Variants in RPTOR observed in about 807,000 individuals in gnomAD.
The protein encoded by RPTOR is regulatory associated protein of MTOR complex 1.
A neutral mutation model predicts 169.9 loss-of-function variants in RPTOR; 21 were observed. That is an observed-to-expected ratio of 0.12 (90% CI 0.09 to 0.18). The LOEUF (loss-of-function observed/expected upper bound fraction) is 0.18, where lower values mean the gene tolerates loss of function less well. RPTOR is among the 10% of genes least tolerant of loss of function. The pLI, the probability that RPTOR is intolerant of heterozygous loss-of-function variation, is 1.00. For missense variants in RPTOR, 1,133 were observed against 1,855.9 expected, an observed-to-expected ratio of 0.61 and a Z score of 7.16; for synonymous variants, 732 against 753.2, an observed-to-expected ratio of 0.97 and a Z score of 0.46.
chr17:80,821,247 C>A (rs925939336), intron 7 of RPTOR, among the ~76,000 whole-genome samples: 3 of 152,204 alleles, frequency 2.0e-5, no homozygotes, highest in African/African-American at 7.2e-5. Flanking sequence ...AGTGGGACTC[C>A]ACTACAACAG....
intron 6 of RPTOR, among the ~76,000 whole-genome samples, chr17:80,763,983 C>T (rs1339754999): frequency 6.6e-5 from 10 of 151,940 alleles, no homozygotes; most frequent in Admixed American, 6.5e-4. Context: ...TGACATCAAC[C>T]TGAACAGGGA....
intron 28 of RPTOR, among the ~76,000 whole-genome samples, chr17:80,950,271 T>A (rs1350247646): frequency 6.6e-6 from 1 of 152,206 alleles, no homozygotes; most frequent in Non-Finnish European, 1.5e-5. Flanking sequence ...CCAGCCCCCC[T>A]CTGCCGGCTC....
At chr17:80,855,401 A>G in intron 11 of RPTOR, 63 bp from the exon 12 acceptor site, 1 of 1,228,158 alleles carries the variant, frequency 8.1e-7, no homozygotes, top group Non-Finnish European at 1.2e-6. Flanking sequence ...CTCATGCAGC[A>G]GCGTTTCGGG....
intron 21 of RPTOR, among the ~76,000 whole-genome samples, chr17:80,921,660 T>G (rs9908454): frequency 0.24 from 36,989 of 152,116 alleles, 4,905 homozygotes; most frequent in African/African-American, 0.35. Context: ...TGGTAGAATT[T>G]CAAGCCCTGC....
chr17:80,763,667 A>G (rs1276793835), intron 6 of RPTOR, among the ~76,000 whole-genome samples: 1 of 152,240 alleles, frequency 6.6e-6, no homozygotes, highest in East Asian at 1.9e-4. Context: ...GAATGTGGAC[A>G]TATGTGGACC....
At chr17:80,612,064 C>T (rs538001273) in intron 1 of RPTOR, among the ~76,000 whole-genome samples, 4 of 152,310 alleles carry the variant, frequency 2.6e-5, no homozygotes, top group South Asian at 2.1e-4. Context: ...CATTGCATTA[C>T]ACCAGGAAGT....
At chr17:80,956,670 G>A (rs538785600) in intron 28 of RPTOR, among the ~76,000 whole-genome samples, 37 of 152,368 alleles carry the variant, frequency 2.4e-4, no homozygotes, top group Admixed American at 7.8e-4. Flanking sequence ...CTTAGACGTC[G>A]CTGCAAGGGT....
At chr17:80,581,117 G>T (rs1405634260) in intron 1 of RPTOR, among the ~76,000 whole-genome samples, 1 of 152,220 alleles carries the variant, frequency 6.6e-6, no homozygotes, top group African/African-American at 2.4e-5. Context: ...GAGTGCTGAT[G>T]ATATAAAGCT....
At chr17:80,855,183 C>G (rs2067838996) in intron 11 of RPTOR, among the ~76,000 whole-genome samples, 1 of 152,192 alleles carries the variant, frequency 6.6e-6, no homozygotes. Context: ...CTAAATGTCA[C>G]CAGTGGGTTA....
intron 7 of RPTOR, among the ~76,000 whole-genome samples, chr17:80,818,071 G>C (rs2067342276): frequency 6.6e-6 from 1 of 152,198 alleles, no homozygotes; most frequent in Non-Finnish European, 1.5e-5. Context: ...GGAGGCGCGG[G>C]CCCTGTTGGG....
At chr17:80,859,925 C>T (rs1214740377) in intron 13 of RPTOR, among the ~76,000 whole-genome samples, 1 of 152,240 alleles carries the variant, frequency 6.6e-6, no homozygotes, top group East Asian at 1.9e-4. Flanking sequence ...CGGCACCCCA[C>T]TGGGCCCCTG....
intron 2 of RPTOR, among the ~76,000 whole-genome samples, chr17:80,634,221 CGT>C (rs998505457): frequency 1.8e-5 from 1 of 54,992 alleles, no homozygotes; most frequent in Non-Finnish European, 3.5e-5. Context: ...ATACTGTGTG[CGT>C]GTGTGTACTG....
chr17:80,845,615 C>T lies in RPTOR; in HGVS notation c.1213-858C>T, dbSNP rs1433966143. 6.6e-6 allele frequency among the ~76,000 whole-genome samples: 1 copy of T among 152,032 alleles called. No homozygotes were observed. The highest frequency in any genetic ancestry group is 1.5e-5 in the Non-Finnish European group (1 of 67,998). ...CTGCCCGAGGATGCCCTCCAGCAGC[C>T]TTTCCCCACCCTCCGTGCCCCCAGC... On this transcript the variant is annotated intron_variant, in intron 10 of 33. Coordinates refer to ENST00000306801, the MANE Select transcript of RPTOR (RefSeq NM_020761.3). The surrounding 1 kb of genome is among the most constrained non-coding windows in gnomAD (Gnocchi z 5.4).
chr17:80,624,061 A>G (rs998020274), intron 1 of RPTOR, among the ~76,000 whole-genome samples: 1 of 152,092 alleles, frequency 6.6e-6, no homozygotes, highest in Non-Finnish European at 1.5e-5. Context: ...GGTGTGCACC[A>G]CCACACACTT....
rs781456893 is a variant in RPTOR at position 80,960,110 on chromosome 17, G to A, written c.3510G>A (p.Thr1170=). ...CTACGGGCGCAGACAGCTGTGTGAC[G>A]AGTCTGTCCTGTGATTCCCACCGCT... ...DIPTGADSCV[T]SLSCDSHRSL... is the part of the protein sequence containing the mutation. Residue 1170 remains threonine, a synonymous_variant, in exon 30 of 34, where the codon ACG becomes ACA. Transcript: ENST00000306801. The surrounding 1 kb of genome is among the most constrained non-coding windows in gnomAD (Gnocchi z 4.8). 1.7e-5 allele frequency: 28 copies of A among 1,613,528 alleles called. No individual in the cohort carries two copies. Among genetic ancestry groups the A allele is most frequent in the South Asian group, 5.5e-5 (5 of 91,086 alleles).
At chr17:80,644,905 C>A (rs1338074802) in intron 3 of RPTOR, among the ~76,000 whole-genome samples, 3 of 152,234 alleles carry the variant, frequency 2.0e-5, no homozygotes, top group African/African-American at 7.2e-5. Flanking sequence ...GCCAACTTGT[C>A]AAGTCAATAA....
At position 80,730,755 on chromosome 17, in the gene RPTOR, C is replaced by A. The variant is rs2143205222; in HGVS notation, c.654+49C>A. 13 of 1,472,934 alleles carry A rather than the reference C, an allele frequency of 8.8e-6. No homozygotes were observed. Among genetic ancestry groups the A allele is most frequent in the Non-Finnish European group, 1.1e-5 (12 of 1,076,542 alleles). 91.2% of individuals were successfully genotyped at this position (1,472,934 alleles called of 1,614,324 possible). On this transcript the variant is annotated intron_variant, in intron 5 of 33. Transcript: ENST00000306801. This position sits in a 1 kb window ranked among gnomAD's most constrained non-coding sequence, Gnocchi z 4.2. ...GCGGTGCTGGGTTTGGTTTTGTTTT[C>A]CCTGGGGGTGGGGTTTGGGTGGGGA...
intron 21 of RPTOR, among the ~76,000 whole-genome samples, chr17:80,912,802 T>C (rs1179225887): frequency 6.6e-6 from 1 of 152,150 alleles, no homozygotes; most frequent in Non-Finnish European, 1.5e-5. Flanking sequence ...TGCTATCCGA[T>C]TGAGACCCAG....
At chr17:80,683,284 T>A (rs1400938663) in intron 3 of RPTOR, among the ~76,000 whole-genome samples, 1 of 152,146 alleles carries the variant, frequency 6.6e-6, no homozygotes, top group African/African-American at 2.4e-5. Flanking sequence ...TCAGTTTGCG[T>A]TTTCCTCCTG....
Sources: gnomAD v4.1 joint callset for allele counts (sites outside exome capture counted in the v4.1 genomes callset) on GRCh38, gnomAD v4.1.1 for gene constraint, Gnocchi (gnomAD v3.1) non-coding constraint, MANE v1.5 for transcripts, NCBI Gene and HGNC (gene_info 2026-07-23, HGNC 2026-07-21) for gene names.